The following SLC39A14 variants were observed in gnomAD, a reference collection of about 807,000 sequenced individuals.
SLC39A14 encodes the protein metal cation symporter ZIP14.
In SLC39A14, 19 loss-of-function variants were observed where a neutral mutation model predicts 45.5. That is an observed-to-expected ratio of 0.42 (90% confidence interval 0.29 to 0.61). The LOEUF is 0.61. Among genes scored for constraint, SLC39A14 ranks in the 20% least tolerant of loss-of-function variants. The pLI, the probability that SLC39A14 is intolerant of heterozygous loss-of-function variation, is 0.22. For missense variants in SLC39A14, 447 were observed against 616.5 expected, an observed-to-expected ratio of 0.73 and a Z score of 2.91; for synonymous variants, 264 against 251.3, an observed-to-expected ratio of 1.05 and a Z score of -0.48.
At chr8:22,399,573 G>A (rs1445633189) in intron 1 of SLC39A14, among the ~76,000 whole-genome samples, 3 of 152,236 alleles carry the variant, frequency 2.0e-5, no homozygotes, top group African/African-American at 2.4e-5. Flanking sequence ...TCTTGTGGGC[G>A]TCAGTGCCCA....
In SLC39A14 at chr8:22,421,997, C is replaced by T. The variant is rs991835026; in HGVS notation, c.*2299C>T. On this transcript the variant is annotated 3_prime_UTR_variant, in exon 9 of 9. Coordinates refer to ENST00000381237, the MANE Select transcript of SLC39A14 (RefSeq NM_001128431.4). ...TCGGAGCTTAGGAGGGGCGGAGACG[C>T]TCACATCGTCTGACTTGAGTCGCCA... 3.0e-6 allele frequency: 3 copies of T among 985,336 alleles called. No individual in the cohort carries two copies. The African/African-American group carries it at 5.2e-5, about 17-fold the overall frequency. 61.0% of individuals were successfully genotyped at this position (985,336 alleles called of 1,614,324 possible).
At chr8:22,408,597 C>A in intron 3 of SLC39A14, 101 bp downstream of exon 3, 1 of 1,071,546 alleles carries the variant, frequency 9.3e-7, no homozygotes. Context: ...AATGCCTCAC[C>A]AGTGATGACC....
intron 1 of SLC39A14, among the ~76,000 whole-genome samples, chr8:22,401,565 T>G (rs993620643): frequency 4.9e-4 from 70 of 142,644 alleles, no homozygotes; most frequent in Non-Finnish European, 8.4e-4. Flanking sequence ...TTTTTTTTTT[T>G]GAGATGGAAT....
intron 1 of SLC39A14, among the ~76,000 whole-genome samples, chr8:22,387,645 G>A (rs982497018): frequency 1.3e-5 from 2 of 152,172 alleles, no homozygotes; most frequent in Non-Finnish European, 2.9e-5. Flanking sequence ...TTGTGTGAGC[G>A]GGTGTTGGAT....
At chr8:22,376,696 G>C (rs1452091827) in intron 1 of SLC39A14, among the ~76,000 whole-genome samples, 3 of 152,028 alleles carry the variant, frequency 2.0e-5, no homozygotes, top group African/African-American at 7.2e-5. Flanking sequence ...TAGCCAACAT[G>C]GTGAAACCCC....
intron 1 of SLC39A14, among the ~76,000 whole-genome samples, chr8:22,401,362 C>T (rs1471843805): frequency 6.6e-6 from 1 of 152,082 alleles, no homozygotes; most frequent in Non-Finnish European, 1.5e-5. Context: ...CAGTGATTGG[C>T]TGCTTCTTGG....
chr8:22,428,143 C>T (rs1836415000), intron 8 of SLC39A14, among the ~76,000 whole-genome samples: 1 of 151,994 alleles, frequency 6.6e-6, no homozygotes, highest in Non-Finnish European at 1.5e-5. Flanking sequence ...ACGAAAAATA[C>T]AAAATTAGCT....
At chr8:22,380,716 G>A (rs749430527) in intron 1 of SLC39A14, among the ~76,000 whole-genome samples, 19 of 150,992 alleles carry the variant, frequency 1.3e-4, no homozygotes, top group African/African-American at 4.4e-4. Flanking sequence ...TCACTCTGTC[G>A]CCCAGGCTGG....
Position 22,421,127 on chromosome 8 carries a change from G to C in SLC39A14, c.*1429G>C. ...ATTCTTTAGCCACTTTGGGGAGCCT[G>C]TCTCTCCAGAAGCCTTTCTTAGTGG... On this transcript the variant is annotated 3_prime_UTR_variant, in exon 9 of 9. Transcript: ENST00000381237. The C allele has an allele frequency of 1.0e-6, 1 of 985,846 alleles. No homozygotes were observed. Among genetic ancestry groups the C allele is most frequent in the Non-Finnish European group, 1.2e-6 (1 of 829,942 alleles). The allele number at this position is 985,846 out of a possible 1,614,324, so 61.1% of individuals were successfully genotyped here. A position where few individuals can be genotyped will look rare whatever the true frequency, so the allele number is the denominator to read the frequency against.
intron 1 of SLC39A14, among the ~76,000 whole-genome samples, chr8:22,383,578 C>A (rs1345954093): frequency 6.6e-6 from 1 of 152,138 alleles, no homozygotes; most frequent in African/African-American, 2.4e-5. Flanking sequence ...AGGGACTGGG[C>A]GCTTGTTTTC....
downstream of SLC39A14, among the ~76,000 whole-genome samples, chr8:22,423,247 G>C (rs189081878): frequency 2.8e-3 from 424 of 151,892 alleles, 12 homozygotes; most frequent in South Asian, 0.057. Context: ...GGGTTCAAGC[G>C]ATTCTCATGC....
intron 3 of SLC39A14, 117 bp from the exon 4 acceptor site, chr8:22,411,920 C>T: frequency 1.1e-6 from 1 of 937,316 alleles, no homozygotes; most frequent in Non-Finnish European, 1.5e-6. Context: ...CCAAACTTTT[C>T]CTTGCGACCT....
chr8:22,372,842 C>T (rs1833006529), intron 1 of SLC39A14, among the ~76,000 whole-genome samples: 1 of 152,024 alleles, frequency 6.6e-6, no homozygotes, highest in African/African-American at 2.4e-5. Flanking sequence ...CACTACGTTA[C>T]CCAAGCTAGT....
intron 3 of SLC39A14, chr8:22,409,824 G>A: frequency 1.1e-6 from 1 of 944,392 alleles, no homozygotes; most frequent in Non-Finnish European, 1.6e-6. Context: ...AATGTTTACT[G>A]ATGGGTTGGT....
At position 22,419,696 on chromosome 8, in the gene SLC39A14, T is replaced by C. The variant is rs1273768217; in HGVS notation, c.1477T>C (p.Ter493GlnextTer38). 1 of 1,599,558 alleles carries C rather than the reference T, an allele frequency of 6.3e-7. No homozygotes were observed. The highest frequency in any genetic ancestry group is 2.2e-5 in the East Asian group (1 of 44,682). The change falls in exon 9 of 9, where the codon TAG (stop) becomes CAG (glutamine). Residue 493 changes from the stop codon to glutamine (Q), a stop_lost. Coordinates refer to ENST00000381237, the MANE Select transcript of SLC39A14 (RefSeq NM_001128431.4). ...GTATTCAGGACAGATCCAGATTGGG[T>C]AGGGCTCTGCCAAGAGCCTGTGGGA... ...TMYSGQIQIG[*>Q]
At chr8:22,393,184 C>T (rs367631547) in intron 1 of SLC39A14, 25 of 985,430 alleles carry the variant, frequency 2.5e-5, no homozygotes, top group South Asian at 2.3e-4. Context: ...AGGCTTGAGG[C>T]GAAGGTCCTG....
chr8:22,381,781 GAC>G (rs1833526705), intron 1 of SLC39A14, among the ~76,000 whole-genome samples: 1 of 152,080 alleles, frequency 6.6e-6, no homozygotes, highest in Non-Finnish European at 1.5e-5. Context: ...TGTAACATGT[GAC>G]AAAAGGTTAA....
At chr8:22,432,412 C>T (rs1468258762) in intron 8 of SLC39A14, among the ~76,000 whole-genome samples, 2 of 152,008 alleles carry the variant, frequency 1.3e-5, no homozygotes, top group Admixed American at 1.3e-4. Context: ...CTCTCTTTCT[C>T]TCTGCTCCTT....
intron 2 of SLC39A14, among the ~76,000 whole-genome samples, chr8:22,406,062 G>A: frequency 6.6e-6 from 1 of 152,316 alleles, no homozygotes; most frequent in African/African-American, 2.4e-5. Context: ...AGAAATGAGA[G>A]GGGGAGATGA....
Sources: gnomAD v4.1 joint callset for allele counts (sites outside exome capture counted in the v4.1 genomes callset) on GRCh38, gnomAD v4.1.1 for gene constraint, MANE v1.5 for transcripts, NCBI Gene and HGNC (gene_info 2026-07-23, HGNC 2026-07-21) for gene names.